PIP4K2A: variants seen among roughly 807,000 people sequenced by gnomAD.
PIP4K2A encodes phosphatidylinositol-5-phosphate 4-kinase type 2 alpha, also known as phosphatidylinositol 5-phosphate 4-kinase type-2 alpha.
A neutral mutation model predicts 42.9 loss-of-function variants in PIP4K2A; 14 were observed. That is an observed-to-expected ratio of 0.33 (90% CI 0.22 to 0.51). The LOEUF is 0.51. Ranked by LOEUF, PIP4K2A falls within the 20% of genes least tolerant of loss-of-function variation. PIP4K2A has a pLI of 0.97. For synonymous variants in PIP4K2A, 192 were observed against 192.2 expected (o/e 1.00, Z 0.01); for missense variants, 434 against 519.8 (o/e 0.83, Z 1.61).
At chr10:22,705,956 G>A (rs1298685703) in intron 1 of PIP4K2A, among the ~76,000 whole-genome samples, 4 of 151,912 alleles carry the variant, frequency 2.6e-5, no homozygotes, top group Non-Finnish European at 5.9e-5. Context: ...CATGGCAGAA[G>A]GGGAAGCAAA....
chr10:22,622,896 CAA>C (rs1015138801), intron 1 of PIP4K2A, among the ~76,000 whole-genome samples: 4 of 151,546 alleles, frequency 2.6e-5, no homozygotes, highest in African/African-American at 9.7e-5. Context: ...ATTATTTTAC[CAA>C]AAAAAGTATG....
chr10:22,568,612 T>C (rs1422005439), intron 5 of PIP4K2A, among the ~76,000 whole-genome samples: 1 of 152,208 alleles, frequency 6.6e-6, no homozygotes, highest in East Asian at 1.9e-4. Flanking sequence ...CTTACTGCAG[T>C]GGTGTTCAAA....
intron 7 of PIP4K2A, among the ~76,000 whole-genome samples, chr10:22,547,510 C>T (rs1836286331): frequency 6.6e-6 from 1 of 152,198 alleles, no homozygotes; most frequent in Non-Finnish European, 1.5e-5. Context: ...TGACAAGTGA[C>T]ACTGCATGGG....
chr10:22,690,638 C>A (rs1387191276), intron 1 of PIP4K2A, among the ~76,000 whole-genome samples: 3 of 152,136 alleles, frequency 2.0e-5, no homozygotes, highest in Admixed American at 6.5e-5. Flanking sequence ...CCCTAAGATT[C>A]AATGAGTGCA....
intron 3 of PIP4K2A, among the ~76,000 whole-genome samples, chr10:22,601,893 C>T (rs1263303505): frequency 1.3e-5 from 2 of 152,234 alleles, no homozygotes; most frequent in Non-Finnish European, 2.9e-5. Context: ...GCTCTCTTAG[C>T]TTTCAGGTCC....
chr10:22,599,622 G>A (rs1355719867), intron 3 of PIP4K2A, among the ~76,000 whole-genome samples: 2 of 152,222 alleles, frequency 1.3e-5, no homozygotes, highest in Non-Finnish European at 2.9e-5. Context: ...AGAGAAAAAC[G>A]AACAGTTGGA....
At chr10:22,595,634 G>A (rs1243177042) in intron 3 of PIP4K2A, among the ~76,000 whole-genome samples, 1 of 152,102 alleles carries the variant, frequency 6.6e-6, no homozygotes, top group East Asian at 1.9e-4. Context: ...GTGCATGCCT[G>A]TAATTCCAGC....
chr10:22,578,467 T>C (rs753096966), intron 4 of PIP4K2A, among the ~76,000 whole-genome samples: 1 of 152,130 alleles, frequency 6.6e-6, no homozygotes, highest in Non-Finnish European at 1.5e-5. Context: ...TGTCTGGGGC[T>C]TCCTCCCTCC....
At chr10:22,561,598 C>T (rs1242484529) in intron 6 of PIP4K2A, among the ~76,000 whole-genome samples, 1 of 101,112 alleles carries the variant, frequency 9.9e-6, no homozygotes, top group Non-Finnish European at 1.8e-5. Context: ...TTTTCTGAGA[C>T]AGGGTCTTGT....
chr10:22,595,568 G>A (rs1483452886), intron 3 of PIP4K2A, among the ~76,000 whole-genome samples: 1 of 152,084 alleles, frequency 6.6e-6, no homozygotes. Flanking sequence ...ACCAGCCTGG[G>A]CAACGTGGTG....
In PIP4K2A at chr10:22,535,293, G is replaced by A. The variant is rs190567229; in HGVS notation, c.*1908C>T. 6.6e-6 allele frequency: 1 copy of A among 152,300 alleles called. No homozygotes were observed. Among genetic ancestry groups the A allele is most frequent in the Admixed American group, 6.5e-5 (1 of 15,302 alleles). The allele number at this position is 152,300 out of a possible 1,614,324, so 9.4% of individuals were successfully genotyped here. ...AACTGATCTGATGCCAGAATTAATG[G>A]TGCAGGGAAAAACCAAATCATAGTA... On this transcript the variant is annotated 3_prime_UTR_variant, in exon 10 of 10. Transcript: ENST00000376573.
At chr10:22,624,552 C>G (rs182645907) in intron 1 of PIP4K2A, among the ~76,000 whole-genome samples, 1 of 150,014 alleles carries the variant, frequency 6.7e-6, no homozygotes, top group Admixed American at 6.6e-5. Context: ...AAGAAGAATG[C>G]AAGCACTTTA....
intron 7 of PIP4K2A, 122 bp downstream of exon 7, chr10:22,550,537 A>C: frequency 1.4e-6 from 1 of 708,488 alleles, no homozygotes. Flanking sequence ...GACTTCCCTA[A>C]GGTAGAGTAT....
At chr10:22,680,264 A>G (rs1180527902) in intron 1 of PIP4K2A, among the ~76,000 whole-genome samples, 1 of 152,210 alleles carries the variant, frequency 6.6e-6, no homozygotes, top group Non-Finnish European at 1.5e-5. Flanking sequence ...AGCAGAGTAC[A>G]AAACTATAAA....
chr10:22,536,340 C>CA lies in PIP4K2A; in HGVS notation c.*860_*861insT. ...TGTAGCATTAATTCCTATATTGCAACGTAAGGGTGAACAATGAAGGCTCCA... is the reference window on the plus strand; with the variant it reads ...TGTAGCATTAATTCCTATATTGCAACAGTAAGGGTGAACAATGAAGGCTCCA... On this transcript the variant is annotated 3_prime_UTR_variant, in exon 10 of 10. Transcript: ENST00000376573. 1 of 339,990 alleles carries CA rather than the reference C, an allele frequency of 2.9e-6. No homozygotes were observed. The highest frequency in any genetic ancestry group is 3.9e-5 in the East Asian group (1 of 25,744). The allele number at this position is 339,990 out of a possible 1,614,324, so 21.1% of individuals were successfully genotyped here.
At chr10:22,699,439 A>G (rs1304144830) in intron 1 of PIP4K2A, among the ~76,000 whole-genome samples, 3 of 151,934 alleles carry the variant, frequency 2.0e-5, no homozygotes, top group Non-Finnish European at 2.9e-5. Context: ...CCAATGCTGA[A>G]AAAGGTAGCT....
At chr10:22,600,601 G>T (rs2765993) in intron 3 of PIP4K2A, among the ~76,000 whole-genome samples, 132,803 of 152,128 alleles carry the variant, frequency 0.87, 58,056 homozygotes, top group East Asian at 0.97. Context: ...TTCATGGACT[G>T]GAAATCTGGA....
At chr10:22,568,600 C>G (rs1030062786) in intron 5 of PIP4K2A, among the ~76,000 whole-genome samples, 3 of 152,158 alleles carry the variant, frequency 2.0e-5, no homozygotes, top group Non-Finnish European at 4.4e-5. Context: ...GCAGTTTGTG[C>G]TCTTACTGCA....
intron 1 of PIP4K2A, among the ~76,000 whole-genome samples, chr10:22,629,304 T>C (rs1838504477): frequency 6.6e-6 from 1 of 152,208 alleles, no homozygotes; most frequent in Non-Finnish European, 1.5e-5. Context: ...AGGTCCACCA[T>C]ACTTGCATTC....
Sources: gnomAD v4.1 joint callset for allele counts (sites outside exome capture counted in the v4.1 genomes callset) on GRCh38, gnomAD v4.1.1 for gene constraint, MANE v1.5 for transcripts, NCBI Gene and HGNC (gene_info 2026-07-23, HGNC 2026-07-21) for gene names.